The following RANBP2 variants were observed in gnomAD, a reference collection of about 807,000 sequenced individuals.
The protein encoded by RANBP2 is E3 SUMO-protein ligase RanBP2.
RANBP2 carries 57 observed loss-of-function variants against 303.6 expected under a neutral mutation model. That is an observed-to-expected ratio of 0.19 (90% confidence interval 0.15 to 0.23). RANBP2 has a LOEUF of 0.23. Among genes scored for constraint, RANBP2 ranks in the 10% least tolerant of loss-of-function variants. The pLI is 1.00. For synonymous variants in RANBP2, 1,167 were observed against 1,301.5 expected (o/e 0.90, Z 2.23); for missense variants, 3,138 against 3,780.8 (o/e 0.83, Z 4.46).
the RANBP2 span, among the ~76,000 whole-genome samples, chr2:109,740,591 T>C: frequency 7.2e-3 from 1,099 of 152,202 alleles, 20 homozygotes; most frequent in African/African-American, 0.025. Flanking sequence ...CTTCCACAAG[T>C]ATAAAAGAAT....
At chr2:109,682,419 G>A in the RANBP2 span, among the ~76,000 whole-genome samples, 1 of 152,178 alleles carries the variant, frequency 6.6e-6, no homozygotes, top group Non-Finnish European at 1.5e-5. Flanking sequence ...TCCAGAAAGG[G>A]CGGAAAAGGC....
At chr2:109,472,586 A>T in the RANBP2 span, among the ~76,000 whole-genome samples, 1 of 152,156 alleles carries the variant, frequency 6.6e-6, no homozygotes, top group African/African-American at 2.4e-5. Context: ...TGGTTGGATG[A>T]AGTGATTTCC....
the RANBP2 span, among the ~76,000 whole-genome samples, chr2:109,580,566 A>G: frequency 6.7e-4 from 102 of 152,314 alleles, no homozygotes; most frequent in Non-Finnish European, 1.0e-3. Context: ...GCCCACTACC[A>G]TCACTGACTA....
the RANBP2 span, among the ~76,000 whole-genome samples, chr2:109,037,054 T>C: frequency 2.6e-5 from 4 of 151,118 alleles, no homozygotes; most frequent in Non-Finnish European, 5.9e-5. Context: ...CTGAGGTGGG[T>C]GGGAGAATTG....
At chr2:108,908,889 A>G in the RANBP2 span, among the ~76,000 whole-genome samples, 1 of 152,118 alleles carries the variant, frequency 6.6e-6, no homozygotes, top group African/African-American at 2.4e-5. Context: ...GACAATGAGA[A>G]CCATCATGAA....
the RANBP2 span, among the ~76,000 whole-genome samples, chr2:109,589,720 CATATT>C: frequency 2.7e-5 from 4 of 150,364 alleles, no homozygotes; most frequent in Admixed American, 1.3e-4. Context: ...AAGTTAAACA[CATATT>C]ATTATATAGC....
chr2:109,479,641 T>C, the RANBP2 span, among the ~76,000 whole-genome samples: 3 of 152,098 alleles, frequency 2.0e-5, no homozygotes, highest in African/African-American at 7.2e-5. Flanking sequence ...AGGGCTCTAC[T>C]CCCACAGACA....
At chr2:109,743,989 T>C in the RANBP2 span, among the ~76,000 whole-genome samples, 1 of 99,864 alleles carries the variant, frequency 1.0e-5, no homozygotes, top group Admixed American at 9.8e-5. Context: ...TATTCCATGG[T>C]ATATCTGTAC....
the RANBP2 span, among the ~76,000 whole-genome samples, chr2:109,044,019 C>A: frequency 6.6e-6 from 1 of 152,054 alleles, no homozygotes; most frequent in Admixed American, 6.6e-5. Context: ...GATCCCCACA[C>A]AACAGGTTGC....
At chr2:109,157,483 T>C in the RANBP2 span, among the ~76,000 whole-genome samples, 1 of 152,214 alleles carries the variant, frequency 6.6e-6, no homozygotes, top group Non-Finnish European at 1.5e-5. Flanking sequence ...TTCCATACTC[T>C]CTGGACACCC....
the RANBP2 span, among the ~76,000 whole-genome samples, chr2:109,194,284 T>C: frequency 2.0e-5 from 3 of 152,202 alleles, no homozygotes; most frequent in African/African-American, 7.2e-5. Flanking sequence ...ATGCCGGTCT[T>C]GTGTTTCTTA....
intron 8 of RANBP2, among the ~76,000 whole-genome samples, chr2:108,748,045 T>C (rs574643522): frequency 6.6e-6 from 1 of 152,270 alleles, no homozygotes; most frequent in Non-Finnish European, 1.5e-5. Flanking sequence ...TGGAATCATA[T>C]AGTATGTGGT....
At position 108,742,991 on chromosome 2, in the gene RANBP2, A is replaced by G. The variant is rs111744982; in HGVS notation, c.975+2310A>G. On this transcript the variant is annotated intron_variant, in intron 7 of 28. Transcript: ENST00000283195. The stretch of plus-strand genomic sequence containing the variant: ...TTTTCAGTAGAGATGGGGTTTCACC[A>G]TGTTAGCCAGGATGGTCTCGATCTC... Among the ~76,000 whole-genome samples, 967 of 152,162 alleles carry G rather than the reference A, an allele frequency of 6.4e-3. 5 individuals carry two copies. Among genetic ancestry groups the G allele is most frequent in the East Asian group, 0.019 (98 of 5,148 alleles).
the RANBP2 span, among the ~76,000 whole-genome samples, chr2:109,688,876 TTTCCTTCCTTCCTTCC>T: frequency 2.0e-5 from 3 of 147,378 alleles, no homozygotes; most frequent in East Asian, 6.1e-4. Context: ...CTACATTTAT[TTTCCTTCCTTCCTTCC>T]TTCCTTCCTT....
At chr2:108,799,300 T>C in the RANBP2 span, among the ~76,000 whole-genome samples, 286 of 152,302 alleles carry the variant, frequency 1.9e-3, 3 homozygotes, top group African/African-American at 6.7e-3. Flanking sequence ...TATTAAGATA[T>C]ATTTTACTGT....
chr2:108,807,939 T>C, the RANBP2 span, among the ~76,000 whole-genome samples: 14 of 152,318 alleles, frequency 9.2e-5, no homozygotes, highest in Non-Finnish European at 1.8e-4. Flanking sequence ...TTGTGTTTGT[T>C]AGCCAACTTC....
At chr2:108,806,292 G>A in the RANBP2 span, among the ~76,000 whole-genome samples, 40 of 152,292 alleles carry the variant, frequency 2.6e-4, 1 homozygote, top group Middle Eastern at 3.4e-3. Context: ...AAAATTCCTA[G>A]CATAGATAAA....
At chr2:109,457,625 G>A in the RANBP2 span, among the ~76,000 whole-genome samples, 1 of 152,254 alleles carries the variant, frequency 6.6e-6, no homozygotes, top group African/African-American at 2.4e-5. Flanking sequence ...ACACTGCATG[G>A]CCGGGAGCCC....
chr2:109,180,985 G>A, the RANBP2 span, among the ~76,000 whole-genome samples: 2 of 152,178 alleles, frequency 1.3e-5, no homozygotes, highest in South Asian at 4.1e-4. Context: ...TCCTCAGATT[G>A]ATAACATTCC....
Sources: allele counts gnomAD v4.1 joint callset (sites outside exome capture counted in the v4.1 genomes callset), GRCh38; gene constraint gnomAD v4.1.1; transcripts MANE v1.5; gene names NCBI Gene and HGNC (gene_info 2026-07-23, HGNC 2026-07-21).